CLOCK: variants seen among roughly 807,000 people sequenced by gnomAD.
CLOCK encodes clock circadian regulator.
In CLOCK, 43 loss-of-function variants were observed where a neutral mutation model predicts 118.4. That is an observed-to-expected ratio of 0.36 (90% CI 0.28 to 0.47). CLOCK has a LOEUF of 0.47. CLOCK is among the 20% of genes least tolerant of loss of function. CLOCK has a pLI of 1.00. For missense variants in CLOCK, 846 were observed against 999.9 expected, an observed-to-expected ratio of 0.85 and a Z score of 2.08; for synonymous variants, 326 against 339.2, an observed-to-expected ratio of 0.96 and a Z score of 0.43.
At chr4:55,450,697 A>C (rs906124603) in intron 15 of CLOCK, among the ~76,000 whole-genome samples, 6 of 152,002 alleles carry the variant, frequency 3.9e-5, no homozygotes, top group Non-Finnish European at 7.4e-5. Context: ...TGAACTGAGG[A>C]GGCGGAGGAT....
At position 55,535,739 on chromosome 4, in the gene CLOCK, C is replaced by CTTTTT. The variant is rs758384802; in HGVS notation, c.-290+11038_-290+11042dup. ...TCTAAAATTCCAGTGATGGGAGAAT[C>CTTTTT]TTTTTTTTTTTTTTTTTTTGAGATG... On this transcript the variant is annotated intron_variant, in intron 1 of 22. Coordinates refer to ENST00000513440, the MANE Select transcript of CLOCK (RefSeq NM_004898.4). Among the ~76,000 whole-genome samples the CTTTTT allele has an allele frequency of 5.6e-5, 7 of 124,098 alleles. 1 individual carries two copies. The highest frequency in any genetic ancestry group is 1.9e-4 in the African/African-American group (6 of 32,264). The allele number at this position is 124,098 out of a possible 152,430, so 81.4% of individuals were successfully genotyped here. A position where few individuals can be genotyped will look rare whatever the true frequency, so the allele number is the denominator to read the frequency against.
At chr4:55,533,088 C>T (rs188907157) in intron 1 of CLOCK, among the ~76,000 whole-genome samples, 38 of 152,252 alleles carry the variant, frequency 2.5e-4, no homozygotes, top group African/African-American at 8.7e-4. Context: ...GTCAAATTCT[C>T]AATGACATTT....
chr4:55,456,047 A>G (rs539964248), intron 12 of CLOCK, 44 bp from the exon 13 acceptor site: 7 of 1,439,384 alleles, frequency 4.9e-6, no homozygotes, highest in South Asian at 1.2e-5. Flanking sequence ...TTTTTCCATA[A>G]TAAGAAATAT....
At chr4:55,452,859 C>T (rs1287290651) in intron 15 of CLOCK, 195 bp downstream of exon 15, 2 of 475,904 alleles carry the variant, frequency 4.2e-6, no homozygotes, top group Non-Finnish European at 7.5e-6. Context: ...ACACATCTCT[C>T]ATCCAATTTT....
rs1445208701 is a variant in CLOCK at position 55,470,797 on chromosome 4, C to T, written c.358G>A (p.Gly120Ser). The T allele has an allele frequency of 6.2e-7, 1 of 1,605,652 alleles. No individual in the cohort carries two copies. The highest frequency in any genetic ancestry group is 1.1e-5 in the South Asian group (1 of 89,736). The change falls in exon 8 of 23, where the codon GGT (glycine) becomes AGT (serine). Residue 120 changes from glycine (G) to serine (S), a missense_variant. Coordinates refer to ENST00000513440, the MANE Select transcript of CLOCK (RefSeq NM_004898.4). Reference sequence around the variant, plus strand: ...TCTGTCATGATTGCTAAAAAAAAACCATCAAGAGCCTGAAATTAAACATAA... The same window carrying T: ...TCTGTCATGATTGCTAAAAAAAAACTATCAAGAGCCTGAAATTAAACATAA... ...FTQLMLEALD[G>S]FFLAIMTDGS... is the part of the protein sequence containing the mutation.
chr4:55,477,250 A>G (rs761978253), intron 6 of CLOCK, among the ~76,000 whole-genome samples: 1 of 152,060 alleles, frequency 6.6e-6, no homozygotes. Context: ...TTCATCCTCT[A>G]TTGACGGGGA....
intron 18 of CLOCK, 50 bp downstream of exon 18, chr4:55,448,729 A>T (rs762779880): frequency 1.4e-6 from 2 of 1,478,826 alleles, no homozygotes; most frequent in South Asian, 1.1e-5. Flanking sequence ...TTAGCTTAAA[A>T]GCAATTTATC....
intron 1 of CLOCK, among the ~76,000 whole-genome samples, chr4:55,521,150 T>A (rs1001645368): frequency 6.6e-6 from 1 of 152,206 alleles, no homozygotes; most frequent in Non-Finnish European, 1.5e-5. Flanking sequence ...TAGAAAAAAA[T>A]TCAATTTTAA....
At chr4:55,528,607 C>G (rs771686357) in intron 1 of CLOCK, among the ~76,000 whole-genome samples, 18 of 152,018 alleles carry the variant, frequency 1.2e-4, no homozygotes, top group Admixed American at 2.0e-4. Flanking sequence ...TTCTGGAGAA[C>G]AGAAAGCAGA....
intron 1 of CLOCK, among the ~76,000 whole-genome samples, chr4:55,530,420 CAA>C (rs1297580185): frequency 6.6e-6 from 1 of 152,136 alleles, no homozygotes; most frequent in Non-Finnish European, 1.5e-5. Context: ...AAGCTATTTT[CAA>C]ACATGCAAGA....
chr4:55,434,105 T>C lies in CLOCK; in HGVS notation c.*1310A>G, dbSNP rs1338968183. Reference sequence around the variant, plus strand: ...CTTATTAGGAGACTAATAATGACACTGACACCCACATGCTGTTAAAAAGGT... The same window carrying C: ...CTTATTAGGAGACTAATAATGACACCGACACCCACATGCTGTTAAAAAGGT... On this transcript the variant is annotated 3_prime_UTR_variant, in exon 23 of 23. Coordinates refer to ENST00000513440, the MANE Select transcript of CLOCK (RefSeq NM_004898.4). The C allele has an allele frequency of 6.6e-6, 1 of 152,626 alleles. No homozygotes were observed. Among genetic ancestry groups the C allele is most frequent in the African/African-American group, 2.4e-5 (1 of 41,460 alleles). The allele number at this position is 152,626 out of a possible 1,614,324, so 9.5% of individuals were successfully genotyped here.
intron 1 of CLOCK, among the ~76,000 whole-genome samples, chr4:55,525,778 A>C (rs1408172101): frequency 2.0e-5 from 3 of 152,110 alleles, no homozygotes; most frequent in African/African-American, 7.2e-5. Context: ...CCAAATAAAA[A>C]AATTTTTTAA....
In CLOCK at chr4:55,485,499, T is replaced by A. The variant is rs1454849760; in HGVS notation, c.-43-2671A>T. On this transcript the variant is annotated intron_variant, in intron 3 of 22. Coordinates refer to ENST00000513440, the MANE Select transcript of CLOCK (RefSeq NM_004898.4). Reference sequence around the variant, plus strand: ...GCAGACTACTGCAAGTCCCACGCTTTCAATTCAGAAAGAGACTAGCTAGAG... The same window carrying A: ...GCAGACTACTGCAAGTCCCACGCTTACAATTCAGAAAGAGACTAGCTAGAG... Among the ~76,000 whole-genome samples the A allele has an allele frequency of 4.6e-5, 7 of 152,230 alleles. 1 individual carries two copies.
At chr4:55,510,456 G>T (rs1427771753) in intron 1 of CLOCK, among the ~76,000 whole-genome samples, 1 of 151,838 alleles carries the variant, frequency 6.6e-6, no homozygotes, top group Non-Finnish European at 1.5e-5. Flanking sequence ...GTGAAACCTC[G>T]TCCCTACTAA....
intron 2 of CLOCK, among the ~76,000 whole-genome samples, chr4:55,490,484 T>C (rs780632528): frequency 1.3e-5 from 2 of 152,088 alleles, no homozygotes; most frequent in South Asian, 2.1e-4. Context: ...AAGGAAAGCA[T>C]AGATTTAAAC....
At chr4:55,443,610 G>T in intron 20 of CLOCK, 77 bp downstream of exon 20, 1 of 1,084,458 alleles carries the variant, frequency 9.2e-7, no homozygotes, top group Non-Finnish European at 1.4e-6. Flanking sequence ...TATCATTAGA[G>T]CTTTATTTCT....
chr4:55,496,660 C>T lies in CLOCK; in HGVS notation c.-135-7195G>A, dbSNP rs531907995. 7.2e-5 allele frequency among the ~76,000 whole-genome samples: 11 copies of T among 152,234 alleles called. No individual in the cohort carries two copies. In the East Asian group the frequency reaches 2.1e-3, roughly 29 times the overall value. Reference sequence around the variant, plus strand: ...CAAATAATGAAAAACTTGTTCAGGGCTCTAAGGCTTCTGAAGATTATTTAT... The same window carrying T: ...CAAATAATGAAAAACTTGTTCAGGGTTCTAAGGCTTCTGAAGATTATTTAT... On this transcript the variant is annotated intron_variant, in intron 2 of 22. Transcript: ENST00000513440.
At chr4:55,522,507 A>ATT (rs1560475923) in intron 1 of CLOCK, among the ~76,000 whole-genome samples, 2 of 150,614 alleles carry the variant, frequency 1.3e-5, no homozygotes, top group African/African-American at 5.0e-5. Context: ...TTTTTTTTAA[A>ATT]AAAAAAAGAA....
Position 55,482,728 on chromosome 4 carries a change from C to T in CLOCK, c.47+11G>A. The T allele has an allele frequency of 6.3e-7, 1 of 1,589,246 alleles. No individual in the cohort carries two copies. Among genetic ancestry groups the T allele is most frequent in the Non-Finnish European group, 8.6e-7 (1 of 1,162,718 alleles). ...TTATATATAACTTAAAATAAGTCTT[C>T]AAAAACATACCTGTCAACAATCGAG... On this transcript the variant is annotated intron_variant, in intron 4 of 22. Transcript: ENST00000513440.
Sources: allele counts gnomAD v4.1 joint callset (sites outside exome capture counted in the v4.1 genomes callset), GRCh38; gene constraint gnomAD v4.1.1; transcripts MANE v1.5; gene names NCBI Gene and HGNC (gene_info 2026-07-23, HGNC 2026-07-21).